SMARCA2: variants seen among roughly 807,000 people sequenced by gnomAD.
SMARCA2 encodes SWI/SNF-related matrix-associated actin-dependent regulator of chromatin subfamily A member 2.
Under a neutral mutation model 199.8 loss-of-function variants are expected in SMARCA2, and 61 were observed. The ratio of observed to expected loss-of-function variants is 0.31; its 90% CI spans 0.25 to 0.38. SMARCA2 has a LOEUF of 0.38. Ranked by LOEUF, SMARCA2 falls within the 10% of genes least tolerant of loss-of-function variation. The probability of loss-of-function intolerance (pLI) is 1.00; values close to 1 mark genes in which losing one functional copy is unlikely to be tolerated. For synonymous variants in SMARCA2, 935 were observed against 732.0 expected, an observed-to-expected ratio of 1.28 and a Z score of -4.48; for missense variants, 1,344 against 2,012.2, an observed-to-expected ratio of 0.67 and a Z score of 6.35.
In SMARCA2 at chr9:2,193,313, G is replaced by GAATTGTATAAGAT. The variant is rs1828021792; in HGVS notation, c.*575_*587dup. ...TCTATGATCTGAACAAAAGCTTTTTGAATTGTATAAGATTTATGTCTACTG... is the reference window on the plus strand; with the variant it reads ...TCTATGATCTGAACAAAAGCTTTTTGAATTGTATAAGATAATTGTATAAGATTTATGTCTACTG... On this transcript the variant is annotated 3_prime_UTR_variant, in exon 34 of 34. Coordinates refer to ENST00000349721, the MANE Select transcript of SMARCA2 (RefSeq NM_003070.5). 6.6e-6 allele frequency: 1 copy of GAATTGTATAAGAT among 152,530 alleles called. No homozygotes were observed. Among genetic ancestry groups the GAATTGTATAAGAT allele is most frequent in the Non-Finnish European group, 1.5e-5 (1 of 68,036 alleles). The allele number at this position is 152,530 out of a possible 1,614,324, so 9.4% of individuals were successfully genotyped here.
chr9:2,072,988 C>G, intron 10 of SMARCA2: 1 of 508,626 alleles, frequency 2.0e-6, no homozygotes, highest in Non-Finnish European at 3.5e-6. Context: ...GTTGCTGGAG[C>G]TGAGGTTTGT....
chr9:2,032,186 A>C (rs1346204566), intron 2 of SMARCA2, among the ~76,000 whole-genome samples: 1 of 152,202 alleles, frequency 6.6e-6, no homozygotes, highest in Admixed American at 6.5e-5. Context: ...CTGTTTTGAA[A>C]ATTGCTATTA....
At chr9:2,029,449 G>A (rs1056032180) in intron 2 of SMARCA2, among the ~76,000 whole-genome samples, 2 of 152,208 alleles carry the variant, frequency 1.3e-5, no homozygotes, top group East Asian at 1.9e-4. Flanking sequence ...AAGATCAGAT[G>A]TTGGCTTTTT....
At chr9:2,029,485 T>C (rs1818969784) in intron 2 of SMARCA2, among the ~76,000 whole-genome samples, 1 of 152,260 alleles carries the variant, frequency 6.6e-6, no homozygotes, top group Non-Finnish European at 1.5e-5. Context: ...ACTATGCAGT[T>C]CTGATAAGTA....
intron 27 of SMARCA2, among the ~76,000 whole-genome samples, chr9:2,146,455 G>A (rs1213152419): frequency 1.3e-5 from 2 of 152,166 alleles, no homozygotes; most frequent in African/African-American, 4.8e-5. Context: ...CTCAAAGTTA[G>A]CCTTTGGATC....
chr9:2,160,436 A>AAAAAATTT, intron 27 of SMARCA2: 1 of 520,964 alleles, frequency 1.9e-6, no homozygotes, highest in Non-Finnish European at 3.4e-6. Flanking sequence ...TCCCACTGGC[A>AAAAAATTT]TTTTTAACAT....
chr9:2,157,942 C>T (rs1391041618), intron 27 of SMARCA2: 53 of 398,074 alleles, frequency 1.3e-4, no homozygotes, highest in Admixed American at 4.4e-5. Context: ...GGCTGCTTCC[C>T]GGGTCTGCCA....
At chr9:2,155,098 G>T (rs1825279681) in intron 27 of SMARCA2, among the ~76,000 whole-genome samples, 1 of 152,146 alleles carries the variant, frequency 6.6e-6, no homozygotes, top group South Asian at 2.1e-4. Context: ...AAGAACAAAG[G>T]TGTAAATACT....
chr9:2,081,611 C>A (rs1050933890), intron 14 of SMARCA2, among the ~76,000 whole-genome samples: 1 of 152,150 alleles, frequency 6.6e-6, no homozygotes, highest in African/African-American at 2.4e-5. Context: ...CTTTAAAACT[C>A]ACCTGTCAAG....
chr9:2,157,680 C>G (rs1334796647), intron 27 of SMARCA2: 1 of 380,036 alleles, frequency 2.6e-6, no homozygotes, highest in Non-Finnish European at 4.7e-6. Context: ...GCTTGGTGGA[C>G]TTGGAGAGGC....
chr9:2,018,364 T>C (rs948084972), intron 1 of SMARCA2, among the ~76,000 whole-genome samples: 1 of 151,682 alleles, frequency 6.6e-6, no homozygotes. Flanking sequence ...CTCTTTTTTT[T>C]CCTCCTCCCT....
chr9:2,114,533 C>T lies in SMARCA2; in HGVS notation c.3457-1289C>T, dbSNP rs558702750. On this transcript the variant is annotated intron_variant, in intron 24 of 33. Coordinates refer to ENST00000349721, the MANE Select transcript of SMARCA2 (RefSeq NM_003070.5). ...TGGGATACAGAAAACAGACTTTTGC[C>T]CTAAAAATCTATACAGTCTAATGGG... 1.3e-4 allele frequency among the ~76,000 whole-genome samples: 20 copies of T among 152,154 alleles called. No individual in the cohort carries two copies. The South Asian group carries it at 3.7e-3, about 28-fold the overall frequency.
At chr9:2,178,650 C>G (rs1316424227) in intron 29 of SMARCA2, among the ~76,000 whole-genome samples, 1 of 152,102 alleles carries the variant, frequency 6.6e-6, no homozygotes, top group Non-Finnish European at 1.5e-5. Context: ...CCTCGCTCAG[C>G]TCAAATTAGA....
chr9:2,016,513 G>C lies in SMARCA2; in HGVS notation c.-37+1109G>C, dbSNP rs756431445. 5.6e-4 allele frequency: 86 copies of C among 152,956 alleles called. No individual in the cohort carries two copies. Among genetic ancestry groups the C allele is most frequent in the Middle Eastern group, 3.4e-3 (1 of 298 alleles). 9.5% of individuals were successfully genotyped at this position (152,956 alleles called of 1,614,324 possible). The stretch of plus-strand genomic sequence containing the variant: ...GCCTGCGATCGTCCGGGTGCTAGGG[G>C]CGCGCCGGGACCCAGGAGAGCCACG... On this transcript the variant is annotated intron_variant, in intron 1 of 33. Coordinates refer to ENST00000349721, the MANE Select transcript of SMARCA2 (RefSeq NM_003070.5). The surrounding 1 kb of genome is among the most constrained non-coding windows in gnomAD (Gnocchi z 5.6).
chr9:2,071,637 G>T (rs551442925), intron 10 of SMARCA2, among the ~76,000 whole-genome samples: 1 of 152,126 alleles, frequency 6.6e-6, no homozygotes, highest in Non-Finnish European at 1.5e-5. Flanking sequence ...GGATTGCAAC[G>T]TGGACATCTT....
At chr9:2,117,662 A>G (rs1823270722) in intron 25 of SMARCA2, among the ~76,000 whole-genome samples, 1 of 152,186 alleles carries the variant, frequency 6.6e-6, no homozygotes, top group African/African-American at 2.4e-5. Flanking sequence ...GAATCAAGGA[A>G]GCCTGGAGTT....
intron 4 of SMARCA2, chr9:2,042,119 G>C (rs1819633965): frequency 1.3e-5 from 2 of 152,244 alleles, no homozygotes; most frequent in South Asian, 4.1e-4. Flanking sequence ...TAAAGAGACA[G>C]TATCTGCACA....
intron 29 of SMARCA2, among the ~76,000 whole-genome samples, chr9:2,176,029 C>G (rs564547389): frequency 1.3e-5 from 2 of 151,780 alleles, no homozygotes; most frequent in Admixed American, 1.3e-4. Flanking sequence ...TATAGCCATG[C>G]GCCACCATAC....
rs374116715 is a variant in SMARCA2, at chr9:2,182,117, C to T, written c.4360-24C>T. 3.1e-5 allele frequency: 45 copies of T among 1,453,856 alleles called. No individual in the cohort carries two copies. In the African/African-American group the frequency reaches 4.1e-4, roughly 13 times the overall value. The allele number at this position is 1,453,856 out of a possible 1,614,324, so 90.1% of individuals were successfully genotyped here. A position where few individuals can be genotyped will look rare whatever the true frequency, so the allele number is the denominator to read the frequency against. ...ATTTTCCTCTCCCTCTTTTTTTCTC[C>T]ATTTTCTCCAAAATTTCCATCAGGA... On this transcript the variant is annotated intron_variant, in intron 30 of 33. Coordinates refer to ENST00000349721, the MANE Select transcript of SMARCA2 (RefSeq NM_003070.5).
Sources: allele counts gnomAD v4.1 joint callset (sites outside exome capture counted in the v4.1 genomes callset), GRCh38; gene constraint gnomAD v4.1.1; non-coding constraint Gnocchi (gnomAD v3.1); transcripts MANE v1.5; gene names NCBI Gene and HGNC (gene_info 2026-07-23, HGNC 2026-07-21).